The following CALD1 variants were observed in gnomAD, a reference collection of about 807,000 sequenced individuals.
CALD1 encodes caldesmon.
A neutral mutation model predicts 99.9 loss-of-function variants in CALD1; 33 were observed. The ratio of observed to expected loss-of-function variants is 0.33; its 90% CI spans 0.25 to 0.44. The LOEUF is 0.44. Ranked by LOEUF, CALD1 falls within the 20% of genes least tolerant of loss-of-function variation. CALD1 has a pLI of 1.00. For synonymous variants in CALD1, 310 were observed against 325.0 expected (o/e 0.95, Z 0.50); for missense variants, 861 against 962.1 (o/e 0.89, Z 1.39).
chr7:134,942,625 C>T (rs1304522922), intron 7 of CALD1, among the ~76,000 whole-genome samples: 1 of 152,194 alleles, frequency 6.6e-6, no homozygotes, highest in African/African-American at 2.4e-5. Flanking sequence ...GAGTCTAAAA[C>T]TTGCTGAAGT....
chr7:134,791,423 C>T (rs1192037900), intron 1 of CALD1, among the ~76,000 whole-genome samples: 3 of 152,156 alleles, frequency 2.0e-5, no homozygotes, highest in Non-Finnish European at 4.4e-5. Flanking sequence ...GTCTCGAACT[C>T]CTGACCTCAA....
chr7:134,759,974 G>A (rs981179425), intron 1 of CALD1, among the ~76,000 whole-genome samples: 3 of 152,234 alleles, frequency 2.0e-5, no homozygotes, highest in Admixed American at 6.5e-5. Flanking sequence ...TCTCCTTGAT[G>A]TGGTGGCATT....
rs781775965 is a variant in CALD1 at position 134,933,215 on chromosome 7, A to G, written c.446A>G (p.Lys149Arg). 1.6e-5 allele frequency: 25 copies of G among 1,611,358 alleles called. No homozygotes were observed. Among genetic ancestry groups the G allele is most frequent in the Non-Finnish European group, 2.0e-5 (24 of 1,179,310 alleles). ...ACAGCAGAAAATGAAACTACCGAGA[A>G]GGAAGAAAAAAGTGAAAGTCGCCAA... is the stretch of plus-strand genomic sequence containing the variant. ...NDTAENETTE[K>R]EEKSESRQER... is the part of the protein sequence containing the mutation. Residue 149 changes from lysine to arginine, a missense_variant, in exon 5 of 15, where the codon AAG becomes AGG. Lys to Arg is a conservative substitution (Grantham distance 26, BLOSUM62 2). Coordinates refer to ENST00000361675, the MANE Select transcript of CALD1 (RefSeq NM_033138.4).
At chr7:134,828,334 C>A in intron 1 of CALD1, among the ~76,000 whole-genome samples, 1 of 152,204 alleles carries the variant, frequency 6.6e-6, no homozygotes, top group East Asian at 1.9e-4. Context: ...TAAAAATTCA[C>A]TGATCCAAAA....
At chr7:134,743,863 T>C (rs1441726039), upstream of CALD1, among the ~76,000 whole-genome samples, 2 of 152,216 alleles carry the variant, frequency 1.3e-5, no homozygotes, top group Non-Finnish European at 2.9e-5. Flanking sequence ...AATTACTTGT[T>C]CCCCGGGGCA....
chr7:134,744,086 G>A (rs1186428866), upstream of CALD1, among the ~76,000 whole-genome samples: 1 of 152,244 alleles, frequency 6.6e-6, no homozygotes, highest in Non-Finnish European at 1.5e-5. Flanking sequence ...GGGGAAGACC[G>A]AGGAGAGAAG....
In CALD1 at chr7:134,769,417, G is replaced by A. The variant is rs144611834; in HGVS notation, c.-130+25054G>A. On this transcript the variant is annotated intron_variant, in intron 1 of 13. Transcript: ENST00000417172. ...CATCATCAACAACGTTTAGTTTTGC[G>A]TGATTAAACTTTTTTTTTCTTTACC... Among the ~76,000 whole-genome samples, 1,053 of 152,174 alleles carry A rather than the reference G, an allele frequency of 6.9e-3. 12 individuals are homozygous for A. The highest frequency in any genetic ancestry group is 0.014 in the Middle Eastern group (4 of 294).
intron 3 of CALD1, among the ~76,000 whole-genome samples, chr7:134,906,329 C>G (rs1167085652): frequency 1.3e-5 from 2 of 152,172 alleles, no homozygotes; most frequent in East Asian, 3.8e-4. Context: ...GTAAAGAGCC[C>G]CCACTTTGGG....
intron 1 of CALD1, among the ~76,000 whole-genome samples, chr7:134,746,247 T>G (rs1372149149): frequency 6.6e-6 from 1 of 152,196 alleles, no homozygotes; most frequent in Non-Finnish European, 1.5e-5. Flanking sequence ...TGAATGGGAA[T>G]GGGCTGAAGA....
intron 3 of CALD1, among the ~76,000 whole-genome samples, chr7:134,908,868 G>A (rs1452360032): frequency 6.6e-6 from 1 of 152,114 alleles, no homozygotes; most frequent in African/African-American, 2.4e-5. Context: ...CAAGTTGGTA[G>A]ATTCAGTTCG....
intron 3 of CALD1, among the ~76,000 whole-genome samples, chr7:134,890,344 T>A (rs983357436): frequency 6.6e-6 from 1 of 152,242 alleles, no homozygotes; most frequent in South Asian, 2.1e-4. Context: ...TTCAGCTCCA[T>A]GACATTGGGT....
chr7:134,835,885 C>T (rs1272145941), intron 1 of CALD1, among the ~76,000 whole-genome samples: 1 of 152,124 alleles, frequency 6.6e-6, no homozygotes, highest in Non-Finnish European at 1.5e-5. Context: ...GTGGCTCACA[C>T]CTGTAATCCC....
intron 1 of CALD1, among the ~76,000 whole-genome samples, chr7:134,763,733 C>T (rs1383781375): frequency 6.6e-6 from 1 of 152,026 alleles, no homozygotes; most frequent in Non-Finnish European, 1.5e-5. Flanking sequence ...GCCTGGCTAA[C>T]ATGGTGAAAC....
At chr7:134,850,543 CTG>C in intron 2 of CALD1, among the ~76,000 whole-genome samples, 1 of 152,272 alleles carries the variant, frequency 6.6e-6, no homozygotes, top group South Asian at 2.1e-4. Context: ...GTTCTTAGAA[CTG>C]TGCTTGGTAC....
intron 1 of CALD1, among the ~76,000 whole-genome samples, chr7:134,761,893 T>C (rs1405840879): frequency 6.6e-6 from 1 of 152,164 alleles, no homozygotes; most frequent in African/African-American, 2.4e-5. Flanking sequence ...TGCAATCAGG[T>C]CTTTGCAGCT....
intron 7 of CALD1, among the ~76,000 whole-genome samples, chr7:134,946,556 C>T (rs1192145058): frequency 6.6e-6 from 1 of 152,140 alleles, no homozygotes; most frequent in Non-Finnish European, 1.5e-5. Context: ...ACTTTAGATC[C>T]CTCATATAAG....
At chr7:134,953,144 ATTC>A (rs1807486615) in intron 9 of CALD1, among the ~76,000 whole-genome samples, 1 of 152,154 alleles carries the variant, frequency 6.6e-6, no homozygotes. Flanking sequence ...ATGAAATATT[ATTC>A]TTCTTTTGAT....
intron 2 of CALD1, among the ~76,000 whole-genome samples, chr7:134,851,190 C>T (rs1800065521): frequency 6.6e-6 from 1 of 152,098 alleles, no homozygotes. Flanking sequence ...CATAAGCTAC[C>T]ACTCCCCAAA....
At chr7:134,830,130 G>A (rs1799161777) in intron 1 of CALD1, among the ~76,000 whole-genome samples, 1 of 151,796 alleles carries the variant, frequency 6.6e-6, no homozygotes, top group Non-Finnish European at 1.5e-5. Flanking sequence ...GTTATAGAGA[G>A]GAAACAAAAG....
Sources: gnomAD v4.1 joint callset for allele counts (sites outside exome capture counted in the v4.1 genomes callset) on GRCh38, gnomAD v4.1.1 for gene constraint, MANE v1.5 for transcripts, NCBI Gene and HGNC (gene_info 2026-07-23, HGNC 2026-07-21) for gene names.